Variants in CEP83 observed in about 807,000 individuals in gnomAD.
The protein encoded by CEP83 is centrosomal protein of 83 kDa.
Under a neutral mutation model 101.9 loss-of-function variants are expected in CEP83, and 70 were observed. The ratio of observed to expected loss-of-function variants is 0.69; its 90% confidence interval spans 0.57 to 0.84. The LOEUF is 0.84. Among genes scored for constraint, CEP83 ranks in the 40% least tolerant of loss-of-function variants. The pLI is 0.00. For missense variants in CEP83, 715 were observed against 787.2 expected, an observed-to-expected ratio of 0.91 and a Z score of 1.10; for synonymous variants, 264 against 267.9, an observed-to-expected ratio of 0.99 and a Z score of 0.14.
At chr12:94,360,885 T>C (rs2060719698) in intron 11 of CEP83, among the ~76,000 whole-genome samples, 2 of 152,080 alleles carry the variant, frequency 1.3e-5, no homozygotes, top group African/African-American at 4.8e-5. Context: ...CAAAACACCA[T>C]AGTACTGGCA....
chr12:94,460,098 G>C (rs1275349459), upstream of CEP83: 1 of 152,556 alleles, frequency 6.6e-6, no homozygotes, highest in Admixed American at 6.5e-5. Flanking sequence ...CGGCAGCGGC[G>C]GGGCCGGGCT....
chr12:94,323,750 T>C (rs1384166063), intron 14 of CEP83, among the ~76,000 whole-genome samples: 1 of 152,204 alleles, frequency 6.6e-6, no homozygotes, highest in East Asian at 1.9e-4. Context: ...ATAGTAGACA[T>C]CTGTTCCTGA....
At chr12:94,353,201 G>A (rs2060284158) in intron 11 of CEP83, among the ~76,000 whole-genome samples, 1 of 152,134 alleles carries the variant, frequency 6.6e-6, no homozygotes, top group South Asian at 2.1e-4. Flanking sequence ...ATACTCAAAA[G>A]TAGTGAAAGA....
chr12:94,384,151 C>T (rs1175456261), intron 6 of CEP83, among the ~76,000 whole-genome samples: 2 of 152,154 alleles, frequency 1.3e-5, no homozygotes, highest in Non-Finnish European at 2.9e-5. Flanking sequence ...AAAGTTCCTT[C>T]ATTTTCCTTC....
chr12:94,439,487 T>C (rs779090553), intron 1 of CEP83, among the ~76,000 whole-genome samples: 4 of 140,426 alleles, frequency 2.8e-5, no homozygotes, highest in Non-Finnish European at 6.3e-5. Flanking sequence ...TAGGAAGAAA[T>C]AGAAACAAAC....
chr12:94,378,783 A>C lies in CEP83; in HGVS notation c.801+8T>G, dbSNP rs1220260485. Reference sequence around the variant, plus strand: ...CCATACTCTACTGGGAAGTAATTAGAATCTTACCTCCAGGGATCTGACTGT... The same window carrying C: ...CCATACTCTACTGGGAAGTAATTAGCATCTTACCTCCAGGGATCTGACTGT... On this transcript the variant is annotated splice_region_variant and intron_variant, in intron 7 of 16. Transcript: ENST00000397809. 6.2e-7 allele frequency: 1 copy of C among 1,613,454 alleles called. No homozygotes were observed. Among genetic ancestry groups the C allele is most frequent in the African/African-American group, 1.3e-5 (1 of 74,882 alleles).
chr12:94,400,785 T>C (rs2063206854), intron 6 of CEP83, 65 bp downstream of exon 6: 1 of 1,000,426 alleles, frequency 1.0e-6, no homozygotes, highest in East Asian at 3.5e-5. Flanking sequence ...TTTTTAAAAA[T>C]ATATAATTAT....
At chr12:94,285,231 A>T in the CEP83 span, among the ~76,000 whole-genome samples, 1 of 152,184 alleles carries the variant, frequency 6.6e-6, no homozygotes, top group Non-Finnish European at 1.5e-5. Context: ...ATGGCTGTAC[A>T]GTCCCAGGGT....
chr12:94,449,651 T>G (rs917210793), intron 1 of CEP83, among the ~76,000 whole-genome samples: 1 of 150,604 alleles, frequency 6.6e-6, no homozygotes, highest in East Asian at 1.9e-4. Flanking sequence ...CATGAGCCTG[T>G]AGCCCCAGCC....
intron 6 of CEP83, among the ~76,000 whole-genome samples, chr12:94,393,880 A>T (rs375425649): frequency 7.9e-5 from 12 of 152,180 alleles, no homozygotes; most frequent in Admixed American, 6.5e-5. Context: ...CACAATTGCT[A>T]CAAAGAGAAT....
intron 11 of CEP83, among the ~76,000 whole-genome samples, chr12:94,358,840 C>G (rs117088168): frequency 0.089 from 13,528 of 152,286 alleles, 730 homozygotes; most frequent in Middle Eastern, 0.12. Flanking sequence ...CCCCCAAAGT[C>G]TGGCCATAAA....
At chr12:94,285,175 G>C in the CEP83 span, among the ~76,000 whole-genome samples, 50 of 152,286 alleles carry the variant, frequency 3.3e-4, no homozygotes, top group African/African-American at 8.2e-4. Context: ...ACAGGAGGAG[G>C]AGCAGCTTCC....
chr12:94,421,836 A>G (rs2064777028), intron 2 of CEP83, among the ~76,000 whole-genome samples: 1 of 152,250 alleles, frequency 6.6e-6, no homozygotes, highest in Non-Finnish European at 1.5e-5. Context: ...ACTGTACAAA[A>G]TGAAGTAGAG....
chr12:94,266,987 G>T, the CEP83 span, among the ~76,000 whole-genome samples: 5 of 152,244 alleles, frequency 3.3e-5, no homozygotes, highest in African/African-American at 1.2e-4. Flanking sequence ...AGATATCTCT[G>T]ATGTGTGTTC....
chr12:94,367,968 T>C, intron 10 of CEP83, 25 bp from the exon 11 acceptor site: 1 of 1,607,758 alleles, frequency 6.2e-7, no homozygotes, highest in Non-Finnish European at 8.5e-7. Flanking sequence ...CATAATTATG[T>C]TACAAGAACT....
At chr12:94,443,878 C>T (rs1285960126) in intron 1 of CEP83, among the ~76,000 whole-genome samples, 1 of 152,132 alleles carries the variant, frequency 6.6e-6, no homozygotes, top group African/African-American at 2.4e-5. Flanking sequence ...ACTATAAATT[C>T]CTCAAAGGAA....
At chr12:94,430,392 TATGA>T (rs1301459447) in intron 2 of CEP83, among the ~76,000 whole-genome samples, 4 of 151,416 alleles carry the variant, frequency 2.6e-5, no homozygotes, top group Admixed American at 6.6e-5. Flanking sequence ...ATTCCTAGAA[TATGA>T]ATGAGAAATT....
chr12:94,277,720 T>A, the CEP83 span: 4 of 344,920 alleles, frequency 1.2e-5, no homozygotes, highest in South Asian at 8.7e-5. Context: ...GTGGGCTGAA[T>A]CTGTTTGCAA....
chr12:94,361,451 G>T (rs1174567059), intron 11 of CEP83: 1 of 152,094 alleles, frequency 6.6e-6, no homozygotes, highest in Non-Finnish European at 1.5e-5. Flanking sequence ...AAAACTCTAC[G>T]CTGAACAATA....
Sources: gnomAD v4.1 joint callset for allele counts (sites outside exome capture counted in the v4.1 genomes callset) on GRCh38, gnomAD v4.1.1 for gene constraint, MANE v1.5 for transcripts, NCBI Gene and HGNC (gene_info 2026-07-23, HGNC 2026-07-21) for gene names.